Variants in NUP205 observed in about 807,000 individuals in gnomAD.
NUP205 encodes nuclear pore complex protein Nup205.
A neutral mutation model predicts 253.8 loss-of-function variants in NUP205; 76 were observed. The ratio of observed to expected loss-of-function variants is 0.30; its 90% CI spans 0.25 to 0.36. The LOEUF (loss-of-function observed/expected upper bound fraction) is 0.36, where lower values mean the gene tolerates loss of function less well. Ranked by LOEUF, NUP205 falls within the 10% of genes least tolerant of loss-of-function variation. The probability of loss-of-function intolerance (pLI) is 1.00; values close to 1 mark genes in which losing one functional copy is unlikely to be tolerated. For missense variants in NUP205, 2,162 were observed against 2,425.5 expected (o/e 0.89, Z 2.28); for synonymous variants, 832 against 850.1 (o/e 0.98, Z 0.37).
intron 40 of NUP205, 120 bp downstream of exon 40, chr7:135,645,138 A>C: frequency 9.2e-7 from 1 of 1,082,326 alleles, no homozygotes; most frequent in Non-Finnish European, 1.3e-6. Context: ...ATTTTTTCCC[A>C]GTAAATGCCT....
chr7:135,576,332 T>C lies in NUP205; in HGVS notation c.406T>C (p.Trp136Arg). 1 of 1,613,920 alleles carries C rather than the reference T, an allele frequency of 6.2e-7. No homozygotes were observed. Among genetic ancestry groups the C allele is most frequent in the Non-Finnish European group, 8.5e-7 (1 of 1,179,822 alleles). ...TRGLVAVLLY[W>R]DGKRCIANSL... ...AGGATTAGTAGCTGTTCTTCTGTAC[T>C]GGGATGGAAAGCGATGCATTGCGAA... is the stretch of plus-strand genomic sequence containing the variant. Residue 136 changes from tryptophan to arginine, a missense_variant, in exon 4 of 43, where the codon TGG becomes CGG. Trp to Arg is a moderately radical substitution (Grantham distance 101). Coordinates refer to ENST00000285968, the MANE Select transcript of NUP205 (RefSeq NM_015135.3).
rs890811962 is a variant in NUP205 at position 135,645,720 on chromosome 7, T to G, written c.5812+124T>G. 19 of 892,248 alleles carry G rather than the reference T, an allele frequency of 2.1e-5. 1 individual carries two copies. In the African/African-American group the frequency reaches 3.2e-4, roughly 15 times the overall value. The allele number at this position is 892,248 out of a possible 1,614,324, so 55.3% of individuals were successfully genotyped here. A position where few individuals can be genotyped will look rare whatever the true frequency, so the allele number is the denominator to read the frequency against. On this transcript the variant is annotated intron_variant, in intron 41 of 42. Coordinates refer to ENST00000285968, the MANE Select transcript of NUP205 (RefSeq NM_015135.3). ...AGTGAATTGGGTGAATCAAGAGCTG[T>G]TTAGTCACTAGACGTAGCTATTTCT...
chr7:135,608,737 C>CTTAT (rs1054247393), intron 22 of NUP205, among the ~76,000 whole-genome samples: 14 of 151,958 alleles, frequency 9.2e-5, no homozygotes, highest in Admixed American at 7.9e-4. Flanking sequence ...CATAAGTAAA[C>CTTAT]TATAATGATA....
chr7:135,617,547 C>A, intron 26 of NUP205, 55 bp from the exon 27 acceptor site: 1 of 1,321,218 alleles, frequency 7.6e-7, no homozygotes, highest in Non-Finnish European at 1.1e-6. Flanking sequence ...CTAGGTGTTA[C>A]TGTTCTACCA....
chr7:135,608,431 G>T (rs974177952), intron 22 of NUP205, among the ~76,000 whole-genome samples: 2 of 152,136 alleles, frequency 1.3e-5, no homozygotes, highest in Non-Finnish European at 1.5e-5. Context: ...CTGGGCCTGG[G>T]CATGGTGGCT....
Position 135,603,399 on chromosome 7 carries a change from C to T in NUP205, c.2702+405C>T, listed in dbSNP as rs958074869. The stretch of plus-strand genomic sequence containing the variant: ...AAGTGCTGGGATTATAGGCGTGAAC[C>T]ACCGCGCCCAGCCTTATTTTACTGT... On this transcript the variant is annotated intron_variant, in intron 18 of 42. Coordinates refer to ENST00000285968, the MANE Select transcript of NUP205 (RefSeq NM_015135.3). Among the ~76,000 whole-genome samples, 3 of 152,018 alleles carry T rather than the reference C, an allele frequency of 2.0e-5. No homozygotes were observed. In the South Asian group the frequency reaches 6.2e-4, roughly 32 times the overall value.
chr7:135,588,422 T>G (rs562073893), intron 10 of NUP205, among the ~76,000 whole-genome samples: 1 of 151,194 alleles, frequency 6.6e-6, no homozygotes, highest in East Asian at 1.9e-4. Context: ...TTTACAGGCA[T>G]GAGCTACTGT....
intron 7 of NUP205, among the ~76,000 whole-genome samples, chr7:135,583,056 C>T (rs540520983): frequency 4.9e-4 from 74 of 151,910 alleles, no homozygotes; most frequent in Middle Eastern, 6.8e-3. Context: ...TGCCACTGCA[C>T]TCCAGTCTCG....
chr7:135,560,072 C>T (rs186636385), intron 1 of NUP205, among the ~76,000 whole-genome samples: 2 of 152,224 alleles, frequency 1.3e-5, no homozygotes, highest in African/African-American at 4.8e-5. Context: ...ATTGGCCAGG[C>T]TGGTCTCGAG....
chr7:135,565,136 C>A (rs1805714743), intron 1 of NUP205, among the ~76,000 whole-genome samples: 1 of 152,058 alleles, frequency 6.6e-6, no homozygotes, highest in Non-Finnish European at 1.5e-5. Flanking sequence ...TTTTTCTCTA[C>A]CATTCACTGA....
intron 7 of NUP205, among the ~76,000 whole-genome samples, chr7:135,582,913 AC>A (rs1418746432): frequency 6.6e-6 from 1 of 151,578 alleles, no homozygotes; most frequent in Non-Finnish European, 1.5e-5. Context: ...ACATGGTGAG[AC>A]CCCATCTCTA....
At chr7:135,562,184 A>G (rs1805600395) in intron 1 of NUP205, among the ~76,000 whole-genome samples, 2 of 152,002 alleles carry the variant, frequency 1.3e-5, no homozygotes, top group African/African-American at 4.8e-5. Context: ...TAGTTCAGAA[A>G]GTTCCTTTTT....
intron 8 of NUP205, among the ~76,000 whole-genome samples, chr7:135,586,763 G>A (rs1244545379): frequency 1.3e-5 from 2 of 152,042 alleles, no homozygotes; most frequent in East Asian, 1.9e-4. Context: ...GTTTAATTCC[G>A]TTGTGCTCAG....
At chr7:135,645,740 A>G (rs143703836) in intron 41 of NUP205, 144 bp downstream of exon 41, 179 of 727,012 alleles carry the variant, frequency 2.5e-4, no homozygotes, top group Middle Eastern at 3.6e-4. Flanking sequence ...AGACGTAGCT[A>G]TTTCTTGCAT....
At chr7:135,639,787 A>G in intron 38 of NUP205, among the ~76,000 whole-genome samples, 1 of 152,234 alleles carries the variant, frequency 6.6e-6, no homozygotes, top group East Asian at 1.9e-4. Flanking sequence ...TATTTACAAT[A>G]GCAAAGACTT....
chr7:135,582,482 G>T (rs1806334628), intron 7 of NUP205, among the ~76,000 whole-genome samples: 1 of 152,084 alleles, frequency 6.6e-6, no homozygotes, highest in African/African-American at 2.4e-5. Flanking sequence ...AATATGGGTA[G>T]ATAAGCACGT....
chr7:135,602,655 C>G, intron 17 of NUP205, 150 bp from the exon 18 acceptor site: 1 of 634,244 alleles, frequency 1.6e-6, no homozygotes, highest in South Asian at 2.1e-5. Context: ...GAGCATAAAT[C>G]TCTAGGTTTT....
chr7:135,560,369 G>T (rs1475123036), intron 1 of NUP205, among the ~76,000 whole-genome samples: 2 of 152,188 alleles, frequency 1.3e-5, no homozygotes, highest in Non-Finnish European at 2.9e-5. Flanking sequence ...GGGAAAAGGA[G>T]TTGCCAACAG....
chr7:135,605,009 C>T (rs1347076189), intron 19 of NUP205, among the ~76,000 whole-genome samples: 1 of 151,986 alleles, frequency 6.6e-6, no homozygotes, highest in Non-Finnish European at 1.5e-5. Flanking sequence ...CATTTCATCC[C>T]ATTGTATCTT....
Sources: allele counts gnomAD v4.1 joint callset (sites outside exome capture counted in the v4.1 genomes callset), GRCh38; gene constraint gnomAD v4.1.1; transcripts MANE v1.5; gene names NCBI Gene and HGNC (gene_info 2026-07-23, HGNC 2026-07-21).